The following CELF1 variants were observed in gnomAD, a reference collection of about 807,000 sequenced individuals.
CELF1 encodes 50 kDa nuclear polyadenylated RNA-binding protein.
CELF1 carries 10 observed loss-of-function variants against 61.8 expected under a neutral mutation model. The observed-to-expected ratio is 0.16, with a 90% CI of 0.10 to 0.27. The LOEUF is 0.27. Among genes scored for constraint, CELF1 ranks in the 10% least tolerant of loss-of-function variants. CELF1 has a pLI of 1.00. For synonymous variants in CELF1, 236 were observed against 225.1 expected (o/e 1.05, Z -0.43); for missense variants, 380 against 639.1 (o/e 0.59, Z 4.37).
At chr11:47,497,104 T>G (rs1480860583) in intron 3 of CELF1, among the ~76,000 whole-genome samples, 1 of 152,138 alleles carries the variant, frequency 6.6e-6, no homozygotes, top group Non-Finnish European at 1.5e-5. Flanking sequence ...AGAAAGAAAC[T>G]AACAACTCTT....
intron 1 of CELF1, among the ~76,000 whole-genome samples, chr11:47,531,568 C>CAAAT (rs1214963475): frequency 0.064 from 7 of 110 alleles, no homozygotes; most frequent in African/African-American, 0.15. Context: ...GACTCCATCT[C>CAAAT]AAACAAACAA....
intron 1 of CELF1, among the ~76,000 whole-genome samples, chr11:47,505,683 G>A (rs1462406316): frequency 6.7e-6 from 1 of 148,782 alleles, no homozygotes; most frequent in Non-Finnish European, 1.5e-5. Flanking sequence ...GGGCACAGTG[G>A]CTCCTATCTG....
At chr11:47,527,563 TAAAAA>T (rs905807736) in intron 1 of CELF1, among the ~76,000 whole-genome samples, 65 of 150,166 alleles carry the variant, frequency 4.3e-4, no homozygotes, top group African/African-American at 1.5e-3. Context: ...CTACAAAACT[TAAAAA>T]AAAAATTAAG....
chr11:47,498,895 A>T (rs1355525750), intron 3 of CELF1, among the ~76,000 whole-genome samples: 1 of 151,990 alleles, frequency 6.6e-6, no homozygotes. Flanking sequence ...GATGTTCCTA[A>T]AATCACGTGC....
chr11:47,484,330 AC>A, intron 7 of CELF1, 58 bp downstream of exon 7: 3 of 1,552,466 alleles, frequency 1.9e-6, no homozygotes, highest in South Asian at 1.2e-5. Flanking sequence ...AAAAAAAAAA[AC>A]CCCAAACCAA....
chr11:47,498,846 G>T (rs1293569085), intron 3 of CELF1, among the ~76,000 whole-genome samples: 1 of 151,808 alleles, frequency 6.6e-6, no homozygotes, highest in African/African-American at 2.4e-5. Flanking sequence ...AATCAAGATT[G>T]ATCCAGTTTT....
chr11:47,516,393 C>A (rs1385771525), intron 1 of CELF1, among the ~76,000 whole-genome samples: 1 of 152,142 alleles, frequency 6.6e-6, no homozygotes, highest in Non-Finnish European at 1.5e-5. Context: ...AGGCGAGCAG[C>A]TGCTTCCACC....
chr11:47,542,127 C>T (rs930460730), intron 1 of CELF1, among the ~76,000 whole-genome samples: 5 of 151,952 alleles, frequency 3.3e-5, no homozygotes, highest in African/African-American at 9.7e-5. Flanking sequence ...TTCAGCACTT[C>T]GGGAGGCCGA....
chr11:47,562,226 C>CAAAAAA (rs745795043), intron 2 of CELF1, among the ~76,000 whole-genome samples: 2 of 81,668 alleles, frequency 2.4e-5, no homozygotes, highest in African/African-American at 9.3e-5. Flanking sequence ...AACTCCATCT[C>CAAAAAA]AAAAAAAAAA....
At chr11:47,486,281 T>C (rs182742488) in intron 6 of CELF1, among the ~76,000 whole-genome samples, 21 of 152,076 alleles carry the variant, frequency 1.4e-4, no homozygotes, top group African/African-American at 5.1e-4. Flanking sequence ...TACAATGTTC[T>C]TATAATATTT....
At chr11:47,531,142 G>A (rs2096459386) in intron 1 of CELF1, among the ~76,000 whole-genome samples, 1 of 152,072 alleles carries the variant, frequency 6.6e-6, no homozygotes, top group African/African-American at 2.4e-5. Flanking sequence ...AGCTACTCGG[G>A]AAGCTGAGGC....
intron 2 of CELF1, among the ~76,000 whole-genome samples, chr11:47,559,040 A>C (rs2097217769): frequency 7.0e-6 from 1 of 143,424 alleles, no homozygotes; most frequent in Non-Finnish European, 1.5e-5. Flanking sequence ...AATATGTTAC[A>C]TATAATAATA....
At position 47,499,560 on chromosome 11, in the gene CELF1, C is replaced by T. The variant is rs2093636088; in HGVS notation, c.-37G>A. 3 of 1,470,660 alleles carry T rather than the reference C, an allele frequency of 2.0e-6. No homozygotes were observed. The highest frequency in any genetic ancestry group is 2.8e-6 in the Non-Finnish European group (3 of 1,087,674). The allele number at this position is 1,470,660 out of a possible 1,614,324, so 91.1% of individuals were successfully genotyped here. A position where few individuals can be genotyped will look rare whatever the true frequency, so the allele number is the denominator to read the frequency against. ...CCCCTTCAGAAGCCAATGATATTAA[C>T]TTGCTGCACTTGTCTGATCCACAAA... On this transcript the variant is annotated 5_prime_UTR_variant, in exon 3 of 15. Transcript: ENST00000687097.
chr11:47,487,305 T>A lies in CELF1; in HGVS notation c.260-64A>T, dbSNP rs1212591762. 4 of 1,221,890 alleles carry A rather than the reference T, an allele frequency of 3.3e-6. No individual in the cohort carries two copies. The East Asian group carries it at 7.0e-5, about 21-fold the overall frequency. 75.7% of individuals were successfully genotyped at this position (1,221,890 alleles called of 1,614,324 possible). ...AGCAGAGAATTCCTAGAGCAATCCT[T>A]CCTCCACTGACAGATCAGATCTTAA... On this transcript the variant is annotated intron_variant, in intron 4 of 14. Transcript: ENST00000687097.
At chr11:47,473,736 AG>A (rs1429728226) in intron 13 of CELF1, among the ~76,000 whole-genome samples, 1 of 152,220 alleles carries the variant, frequency 6.6e-6, no homozygotes, top group African/African-American at 2.4e-5. Context: ...TTGCAGGACT[AG>A]GACTGTTTGT....
At chr11:47,536,691 C>T (rs1000633879) in intron 1 of CELF1, among the ~76,000 whole-genome samples, 10 of 152,024 alleles carry the variant, frequency 6.6e-5, no homozygotes, top group African/African-American at 2.4e-4. Flanking sequence ...ACCTGGGAAG[C>T]GGGGGCTGCA....
At chr11:47,520,168 G>A (rs1396917398) in intron 1 of CELF1, among the ~76,000 whole-genome samples, 2 of 152,040 alleles carry the variant, frequency 1.3e-5, no homozygotes, top group African/African-American at 4.8e-5. Context: ...ACTTGCACTA[G>A]AAACAAGAAA....
At chr11:47,535,003 T>C (rs2096592681) in intron 1 of CELF1, among the ~76,000 whole-genome samples, 1 of 152,138 alleles carries the variant, frequency 6.6e-6, no homozygotes, top group Non-Finnish European at 1.5e-5. Flanking sequence ...AAAATTTTTT[T>C]CCCTAAGTTG....
intron 1 of CELF1, among the ~76,000 whole-genome samples, chr11:47,512,850 A>C (rs1405425897): frequency 6.6e-6 from 1 of 152,182 alleles, no homozygotes; most frequent in East Asian, 1.9e-4. Context: ...CCAAGTAAAC[A>C]GATAAAAGGA....
Sources: allele counts gnomAD v4.1 joint callset (sites outside exome capture counted in the v4.1 genomes callset), GRCh38; gene constraint gnomAD v4.1.1; transcripts MANE v1.5; gene names NCBI Gene and HGNC (gene_info 2026-07-23, HGNC 2026-07-21).